Variants in SPATA13 observed in about 807,000 individuals in gnomAD.
SPATA13 encodes the protein spermatogenesis associated 13.
Under a neutral mutation model 104.0 loss-of-function variants are expected in SPATA13, and 50 were observed. The observed-to-expected ratio is 0.48, with a 90% confidence interval of 0.38 to 0.61. The LOEUF (loss-of-function observed/expected upper bound fraction) is 0.61. Ranked by LOEUF, SPATA13 falls within the 20% of genes least tolerant of loss-of-function variation. SPATA13 has a pLI of 0.00. For missense variants in SPATA13, 1,524 were observed against 1,690.6 expected (o/e 0.90, Z 1.73); for synonymous variants, 606 against 667.5 (o/e 0.91, Z 1.42).
chr13:24,024,253 G>C (rs1212940417), intron 3 of SPATA13, among the ~76,000 whole-genome samples: 1 of 152,186 alleles, frequency 6.6e-6, no homozygotes, highest in Non-Finnish European at 1.5e-5. Flanking sequence ...TGCGCTCTAA[G>C]ATTCTTCAGA....
chr13:24,007,624 T>A (rs1876291136), intron 2 of SPATA13, among the ~76,000 whole-genome samples: 1 of 152,018 alleles, frequency 6.6e-6, no homozygotes, highest in African/African-American at 2.4e-5. Context: ...CCTGGATAAT[T>A]TTTTGTATTT....
At chr13:24,238,296 A>T (rs905405147) in intron 2 of SPATA13, among the ~76,000 whole-genome samples, 1 of 151,942 alleles carries the variant, frequency 6.6e-6, no homozygotes, top group African/African-American at 2.4e-5. Flanking sequence ...AGCTGGGATT[A>T]CAAGTGTGCA....
intron 3 of SPATA13, among the ~76,000 whole-genome samples, chr13:24,080,561 C>T (rs1368104602): frequency 6.6e-6 from 1 of 152,224 alleles, no homozygotes; most frequent in Non-Finnish European, 1.5e-5. Context: ...GCCAGTCAGG[C>T]TGGACTCTGG....
At position 24,224,341 on chromosome 13, in the gene SPATA13, C is replaced by G. The variant is rs1015008295; in HGVS notation, c.1412C>G (p.Pro471Arg). Residue 471 changes from proline to arginine, a missense_variant, in exon 2 of 13, where the codon CCC (proline) becomes CGC (arginine). Physicochemically the swap from Pro to Arg is moderately radical, Grantham distance 103. This residue lies in a region of SPATA13 where 1,089 missense variants were observed against 1,135.9 expected (regional missense o/e 0.96). Coordinates refer to ENST00000382108, the MANE Select transcript of SPATA13 (RefSeq NM_001166271.3). ...CCTCTAAGGCCCACCACACCCAAGCCCCAGAGCCCTCAGAGCCCCCAGAGC... is the reference window on the plus strand; with the variant it reads ...CCTCTAAGGCCCACCACACCCAAGCGCCAGAGCCCTCAGAGCCCCCAGAGC... ...PTPLRPTTPK[P>R]QSPQSPQSPG... 1 of 1,551,736 alleles carries G rather than the reference C, an allele frequency of 6.4e-7. No homozygotes were observed. The highest frequency in any genetic ancestry group is 8.7e-7 in the Non-Finnish European group (1 of 1,147,006).
intron 3 of SPATA13, among the ~76,000 whole-genome samples, chr13:24,107,864 T>C (rs948278255): frequency 6.6e-5 from 10 of 152,278 alleles, no homozygotes; most frequent in Non-Finnish European, 1.5e-4. Flanking sequence ...AGTCCTGTTA[T>C]GGAAGATGCT....
chr13:24,270,842 T>G (rs1593480187), intron 4 of SPATA13: 5 of 1,612,676 alleles, frequency 3.1e-6, no homozygotes, highest in Non-Finnish European at 4.2e-6. Context: ...AAGGTTGCCG[T>G]TTTCCAAACA....
intron 3 of SPATA13, among the ~76,000 whole-genome samples, chr13:24,062,157 T>C (rs1037482006): frequency 3.3e-5 from 5 of 152,228 alleles, no homozygotes; most frequent in Non-Finnish European, 4.4e-5. Context: ...TCTGTTTGCA[T>C]CTCAGATGCT....
chr13:24,284,066 T>A, intron 4 of SPATA13, 69 bp from the exon 5 acceptor site: 1 of 1,537,274 alleles, frequency 6.5e-7, no homozygotes, highest in Non-Finnish European at 8.8e-7. Flanking sequence ...GTTACCAAAT[T>A]TTTTCATCAT....
intron 4 of SPATA13, among the ~76,000 whole-genome samples, chr13:24,259,922 G>A (rs1305670626): frequency 1.3e-5 from 2 of 152,166 alleles, no homozygotes; most frequent in African/African-American, 2.4e-5. Flanking sequence ...TTAGAGGTGT[G>A]AGCCACCACA....
At chr13:24,297,113 A>C (rs1876839855) in intron 10 of SPATA13, among the ~76,000 whole-genome samples, 1 of 152,082 alleles carries the variant, frequency 6.6e-6, no homozygotes, top group Non-Finnish European at 1.5e-5. Flanking sequence ...ATCACCATTC[A>C]CTACAGCCTC....
At chr13:24,285,353 T>A (rs1875853510) in intron 5 of SPATA13, among the ~76,000 whole-genome samples, 1 of 152,184 alleles carries the variant, frequency 6.6e-6, no homozygotes, top group Non-Finnish European at 1.5e-5. Flanking sequence ...ATAGCATATG[T>A]GCATAACTTT....
At chr13:23,987,298 T>A (rs761262241) in intron 2 of SPATA13, among the ~76,000 whole-genome samples, 9 of 152,190 alleles carry the variant, frequency 5.9e-5, no homozygotes, top group South Asian at 2.1e-4. Context: ...AATATGTCTA[T>A]GACCGGGAAA....
At chr13:24,138,664 G>A (rs1280315652) in intron 3 of SPATA13, among the ~76,000 whole-genome samples, 1 of 151,960 alleles carries the variant, frequency 6.6e-6, no homozygotes, top group Non-Finnish European at 1.5e-5. Flanking sequence ...GCTCACTGCA[G>A]CCTTGAACTC....
At chr13:24,109,572 A>AAGATAG (rs1880570123) in intron 3 of SPATA13, among the ~76,000 whole-genome samples, 2 of 152,176 alleles carry the variant, frequency 1.3e-5, no homozygotes, top group Non-Finnish European at 2.9e-5. Context: ...AAAGGGTGAC[A>AAGATAG]AGATAGAGAT....
intron 7 of SPATA13, among the ~76,000 whole-genome samples, chr13:24,288,038 G>C (rs571934630): frequency 6.6e-6 from 1 of 152,226 alleles, no homozygotes; most frequent in Non-Finnish European, 1.5e-5. Flanking sequence ...CAGCCATCTC[G>C]TTCTGTATGA....
At chr13:24,228,717 A>G (rs1872091015) in intron 2 of SPATA13, among the ~76,000 whole-genome samples, 3 of 152,190 alleles carry the variant, frequency 2.0e-5, no homozygotes, top group African/African-American at 4.8e-5. Context: ...CAGTTTTTTT[A>G]TTCAGCTCAT....
intron 10 of SPATA13, among the ~76,000 whole-genome samples, chr13:24,295,953 G>T (rs985311689): frequency 6.6e-6 from 1 of 152,140 alleles, no homozygotes; most frequent in African/African-American, 2.4e-5. Context: ...TGGCTTCAAA[G>T]TCCGTGCTGG....
At position 24,149,439 on chromosome 13, in the gene SPATA13, T is replaced by C. The variant is rs114608166; in HGVS notation, c.-111-73380T>C. ...ACACCCTGGCATTTTGCCTGTCTTC[T>C]GTTCCTGGACCTTCCCTTTCTGTTG... On this transcript the variant is annotated intron_variant, in intron 3 of 14. Transcript: ENST00000424834. Among the ~76,000 whole-genome samples the C allele has an allele frequency of 2.6e-3, 402 of 152,356 alleles. 3 individuals carry two copies. Among genetic ancestry groups the C allele is most frequent in the African/African-American group, 9.4e-3 (390 of 41,576 alleles).
chr13:24,285,345 A>G (rs1194084135), intron 5 of SPATA13, among the ~76,000 whole-genome samples: 1 of 152,176 alleles, frequency 6.6e-6, no homozygotes, highest in Non-Finnish European at 1.5e-5. Context: ...GACTTCCAAT[A>G]GCATATGTGC....
Sources: gnomAD v4.1 joint callset for allele counts (sites outside exome capture counted in the v4.1 genomes callset) on GRCh38, gnomAD v4.1.1 for gene constraint, gnomAD v4.1.1 regional missense constraint, MANE v1.5 for transcripts, NCBI Gene and HGNC (gene_info 2026-07-23, HGNC 2026-07-21) for gene names.